Variants in SLCO1A2 observed in about 807,000 individuals in gnomAD.
The protein encoded by SLCO1A2 is OATP-1.
SLCO1A2 carries 67 observed loss-of-function variants against 69.0 expected under a neutral mutation model. The observed-to-expected ratio is 0.97, with a 90% CI of 0.80 to 1.19. The LOEUF is 1.19. SLCO1A2 is among the 50% of genes most tolerant of loss of function. SLCO1A2 has a pLI of 0.00. For synonymous variants in SLCO1A2, 260 were observed against 265.9 expected, an observed-to-expected ratio of 0.98 and a Z score of 0.22; for missense variants, 787 against 793.7, an observed-to-expected ratio of 0.99 and a Z score of 0.10.
intron 2 of SLCO1A2, among the ~76,000 whole-genome samples, chr12:21,369,699 T>C (rs1313648633): frequency 1.3e-5 from 2 of 152,104 alleles, no homozygotes; most frequent in East Asian, 1.9e-4. Flanking sequence ...TTTGATAGAG[T>C]GGATCCAAGG....
At chr12:21,410,801 CATT>C (rs1447672531) in intron 1 of SLCO1A2, among the ~76,000 whole-genome samples, 1 of 152,088 alleles carries the variant, frequency 6.6e-6, no homozygotes, top group Non-Finnish European at 1.5e-5. Flanking sequence ...AATTACATCT[CATT>C]ATTTCAATGT....
At chr12:21,309,605 G>A (rs1393273961) in intron 4 of SLCO1A2, among the ~76,000 whole-genome samples, 1 of 152,110 alleles carries the variant, frequency 6.6e-6, no homozygotes, top group Non-Finnish European at 1.5e-5. Flanking sequence ...AAATATGGGA[G>A]TAAAATAGGA....
chr12:21,330,366 C>T (rs1053756360), intron 2 of SLCO1A2, among the ~76,000 whole-genome samples: 2 of 150,306 alleles, frequency 1.3e-5, no homozygotes, highest in African/African-American at 2.5e-5. Context: ...AATAAAAAAG[C>T]TTGGCTTTGT....
At chr12:21,297,358 C>A (rs757848141) in intron 9 of SLCO1A2, 46 bp downstream of exon 9, 4 of 1,528,964 alleles carry the variant, frequency 2.6e-6, no homozygotes, top group Admixed American at 1.7e-5. Flanking sequence ...TCACACTGTT[C>A]GTGGGGGGGA....
chr12:21,280,689 AT>A (rs374445352), intron 12 of SLCO1A2, among the ~76,000 whole-genome samples: 2,821 of 149,478 alleles, frequency 0.019, 88 homozygotes, highest in Middle Eastern at 0.045. Context: ...AAAAAAAAAA[AT>A]AAATAAATAA....
At chr12:21,299,840 G>GTGTGTA (rs1948398622) in intron 8 of SLCO1A2, among the ~76,000 whole-genome samples, 1 of 134,410 alleles carries the variant, frequency 7.4e-6, no homozygotes, top group African/African-American at 2.9e-5. Context: ...ACATATATGT[G>GTGTGTA]TATATATATA....
Position 21,300,213 on chromosome 12 carries a change from G to A in SLCO1A2, c.910+135C>T, listed in dbSNP as rs1178648290. Reference sequence around the variant, plus strand: ...CCATAGGAAGAATCGGACTAGTTAGGTATTCTTGACTGGTGACTGTTGATG... The same window carrying A: ...CCATAGGAAGAATCGGACTAGTTAGATATTCTTGACTGGTGACTGTTGATG... On this transcript the variant is annotated intron_variant, in intron 8 of 14. Coordinates refer to ENST00000683939, the MANE Select transcript of SLCO1A2 (RefSeq NM_001386879.1). 5.4e-6 allele frequency: 3 copies of A among 552,930 alleles called. No homozygotes were observed. The African/African-American group carries it at 5.8e-5, about 11-fold the overall frequency. 34.3% of individuals were successfully genotyped at this position (552,930 alleles called of 1,614,324 possible). A position where few individuals can be genotyped will look rare whatever the true frequency, so the allele number is the denominator to read the frequency against.
At chr12:21,318,497 TA>T (rs2136764272) in intron 3 of SLCO1A2, among the ~76,000 whole-genome samples, 1 of 152,238 alleles carries the variant, frequency 6.6e-6, no homozygotes, top group African/African-American at 2.4e-5. Flanking sequence ...TATTTAAATA[TA>T]AATACTGTAA....
chr12:21,403,241 C>A (rs948040630), intron 1 of SLCO1A2, among the ~76,000 whole-genome samples: 1 of 152,056 alleles, frequency 6.6e-6, no homozygotes, highest in Non-Finnish European at 1.5e-5. Flanking sequence ...TACTACCGCA[C>A]AAAACAAATC....
At chr12:21,351,668 C>T (rs933416423) in intron 2 of SLCO1A2, among the ~76,000 whole-genome samples, 44 of 151,724 alleles carry the variant, frequency 2.9e-4, no homozygotes, top group Admixed American at 3.3e-4. Flanking sequence ...ATCCCAGTGA[C>T]TCAGGAGGCT....
chr12:21,320,426 T>G (rs187965452), intron 2 of SLCO1A2, among the ~76,000 whole-genome samples: 9 of 152,264 alleles, frequency 5.9e-5, no homozygotes, highest in Admixed American at 5.9e-4. Flanking sequence ...CTTGAATCCA[T>G]TCTTCCCATT....
At chr12:21,383,015 C>T (rs1940685998) in intron 1 of SLCO1A2, among the ~76,000 whole-genome samples, 1 of 152,130 alleles carries the variant, frequency 6.6e-6, no homozygotes, top group African/African-American at 2.4e-5. Context: ...CCAAATCAGT[C>T]TGTCTTGAAA....
intron 2 of SLCO1A2, among the ~76,000 whole-genome samples, chr12:21,327,921 C>T (rs1952358414): frequency 6.6e-6 from 1 of 152,040 alleles, no homozygotes; most frequent in Non-Finnish European, 1.5e-5. Flanking sequence ...TGGGCTGTGT[C>T]CCCACCAAAA....
rs562882950 is a variant in SLCO1A2, at chr12:21,407,400, G to A, written c.-312+10482C>T. 2.6e-5 allele frequency among the ~76,000 whole-genome samples: 4 copies of A among 152,308 alleles called. 1 individual carries two copies. The South Asian group carries it at 8.3e-4, about 32-fold the overall frequency. ...GAGCGTTGAGCAGAGGCCAGGTCAT[G>A]TACTGCACTATGCCCAGCAAGGAGT... On this transcript the variant is annotated intron_variant, in intron 1 of 4. Coordinates refer to the SLCO1A2 transcript ENST00000413682.
At chr12:21,273,151 A>C (rs1019400788) in intron 14 of SLCO1A2, among the ~76,000 whole-genome samples, 2 of 152,146 alleles carry the variant, frequency 1.3e-5, no homozygotes, top group African/African-American at 4.8e-5. Flanking sequence ...CACACAGTGA[A>C]TTTGGGCTGC....
intron 2 of SLCO1A2, among the ~76,000 whole-genome samples, chr12:21,330,034 T>C (rs866740754): frequency 4.6e-5 from 7 of 152,128 alleles, no homozygotes; most frequent in Admixed American, 6.6e-5. Context: ...CACTTATTTT[T>C]CTTTTAGCCA....
At chr12:21,277,216 G>C (rs1044427557) in intron 12 of SLCO1A2, among the ~76,000 whole-genome samples, 1 of 150,460 alleles carries the variant, frequency 6.6e-6, no homozygotes, top group African/African-American at 2.4e-5. Flanking sequence ...GCCACAGTAG[G>C]ATAGGGCACT....
intron 1 of SLCO1A2, among the ~76,000 whole-genome samples, chr12:21,412,665 C>A (rs1478245982): frequency 6.6e-6 from 1 of 152,138 alleles, no homozygotes; most frequent in Non-Finnish European, 1.5e-5. Flanking sequence ...CCACAATGCT[C>A]CACTGGAAAC....
upstream of SLCO1A2, among the ~76,000 whole-genome samples, chr12:21,397,580 G>C (rs954836060): frequency 6.6e-5 from 10 of 152,072 alleles, no homozygotes; most frequent in African/African-American, 2.4e-4. Context: ...ATTTTTTTCA[G>C]CACCACACCA....
Sources: gnomAD v4.1 joint callset for allele counts (sites outside exome capture counted in the v4.1 genomes callset) on GRCh38, gnomAD v4.1.1 for gene constraint, MANE v1.5 for transcripts, NCBI Gene and HGNC (gene_info 2026-07-23, HGNC 2026-07-21) for gene names.